The following TAFA4 variants were observed in gnomAD, a reference collection of about 807,000 sequenced individuals.
TAFA4 encodes TAFA chemokine like family member 4.
A neutral mutation model predicts 21.1 loss-of-function variants in TAFA4; 20 were observed. The ratio of observed to expected loss-of-function variants is 0.95; its 90% CI spans 0.67 to 1.38. The LOEUF (loss-of-function observed/expected upper bound fraction) is 1.38. TAFA4 is among the 40% of genes most tolerant of loss of function. The pLI is 0.00. For synonymous variants in TAFA4, 71 were observed against 67.4 expected (o/e 1.05, Z -0.26); for missense variants, 211 against 180.9 (o/e 1.17, Z -0.95).
chr3:68,915,908 A>AT (rs1486581499), intron 1 of TAFA4, among the ~76,000 whole-genome samples: 1 of 152,250 alleles, frequency 6.6e-6, no homozygotes, highest in Non-Finnish European at 1.5e-5. Flanking sequence ...TCTCCATTCA[A>AT]TAAATATGGA....
intron 3 of TAFA4, among the ~76,000 whole-genome samples, chr3:68,860,773 T>C (rs1205323391): frequency 6.6e-6 from 1 of 152,108 alleles, no homozygotes; most frequent in African/African-American, 2.4e-5. Flanking sequence ...TAAATGAAGA[T>C]TTTAAAATAC....
chr3:68,788,579 C>T (rs1394568976), intron 3 of TAFA4, among the ~76,000 whole-genome samples: 1 of 152,034 alleles, frequency 6.6e-6, no homozygotes, highest in East Asian at 1.9e-4. Context: ...CTATGTTTTC[C>T]TCTAGGAGTT....
chr3:68,766,283 T>C (rs1243602226), intron 3 of TAFA4, among the ~76,000 whole-genome samples: 1 of 152,006 alleles, frequency 6.6e-6, no homozygotes, highest in East Asian at 1.9e-4. Flanking sequence ...TAAACACACA[T>C]ATATAATCTC....
intron 3 of TAFA4, among the ~76,000 whole-genome samples, chr3:68,832,911 G>C (rs962757259): frequency 6.6e-6 from 1 of 152,186 alleles, no homozygotes; most frequent in Non-Finnish European, 1.5e-5. Context: ...CCTCAGCAAG[G>C]GTGGACGCCC....
At chr3:68,870,230 C>T (rs1030946496) in intron 3 of TAFA4, among the ~76,000 whole-genome samples, 1 of 152,052 alleles carries the variant, frequency 6.6e-6, no homozygotes, top group African/African-American at 2.4e-5. Context: ...CACGCCTATA[C>T]TCATGGGTTA....
chr3:68,803,797 C>CTTGTTTTTTTT (rs1703626483), intron 3 of TAFA4, among the ~76,000 whole-genome samples: 1 of 81,590 alleles, frequency 1.2e-5, no homozygotes, highest in Non-Finnish European at 2.1e-5. Flanking sequence ...ATCTCTGATT[C>CTTGTTTTTTTT]TTTTTTTTTT....
At chr3:68,862,203 A>G (rs149629047) in intron 3 of TAFA4, among the ~76,000 whole-genome samples, 1 of 152,140 alleles carries the variant, frequency 6.6e-6, no homozygotes, top group African/African-American at 2.4e-5. Flanking sequence ...CAGGTAGGCT[A>G]AGATTTCCTG....
chr3:68,733,051 A>G lies in TAFA4; in HGVS notation c.*91T>C. 4 of 1,565,450 alleles carry G rather than the reference A, an allele frequency of 2.6e-6. No homozygotes were observed. Among genetic ancestry groups the G allele is most frequent in the Non-Finnish European group, 3.5e-6 (4 of 1,145,148 alleles). On this transcript the variant is annotated 3_prime_UTR_variant, in exon 6 of 6. Transcript: ENST00000295569. Reference sequence around the variant, plus strand: ...ATATGAAGTTGCTGAAATCCTAGACAATTTTCTGCAAAGGGGCCATGATGG... The same window carrying G: ...ATATGAAGTTGCTGAAATCCTAGACGATTTTCTGCAAAGGGGCCATGATGG...
At chr3:68,855,533 G>A (rs1020160260) in intron 3 of TAFA4, among the ~76,000 whole-genome samples, 14 of 152,044 alleles carry the variant, frequency 9.2e-5, no homozygotes, top group Admixed American at 2.0e-4. Context: ...AAAAACAGCC[G>A]CTGCTGAAAA....
chr3:68,907,049 A>C (rs2089907709), intron 1 of TAFA4, among the ~76,000 whole-genome samples: 1 of 150,828 alleles, frequency 6.6e-6, no homozygotes, highest in Admixed American at 6.6e-5. Flanking sequence ...AAAAAAAAAA[A>C]AAAAAAAGCC....
chr3:68,835,126 T>C (rs1454336736), intron 3 of TAFA4, among the ~76,000 whole-genome samples: 1 of 152,150 alleles, frequency 6.6e-6, no homozygotes, highest in Admixed American at 6.6e-5. Flanking sequence ...GTCCACCACC[T>C]GGAACACCTG....
rs1703705245 is a variant in TAFA4 at position 68,806,617 on chromosome 3, A to T, written c.131-53599T>A. ...TAAATCTTTACATCCCCCACAATTC[A>T]TATGTTGAAACCCTAGCCCCTGCAA... On this transcript the variant is annotated intron_variant, in intron 3 of 5. Transcript: ENST00000295569. Among the ~76,000 whole-genome samples, 3 of 152,122 alleles carry T rather than the reference A, an allele frequency of 2.0e-5. No individual in the cohort carries two copies. In the South Asian group the frequency reaches 6.2e-4, roughly 32 times the overall value.
chr3:68,787,805 G>T (rs187308245), intron 3 of TAFA4, among the ~76,000 whole-genome samples: 1 of 152,214 alleles, frequency 6.6e-6, no homozygotes, highest in Admixed American at 6.5e-5. Flanking sequence ...AAGAATGATG[G>T]ATTGGAGCTG....
chr3:68,848,254 A>G (rs1475173630), intron 3 of TAFA4, among the ~76,000 whole-genome samples: 2 of 152,200 alleles, frequency 1.3e-5, no homozygotes, highest in African/African-American at 4.8e-5. Flanking sequence ...TAGAACACAC[A>G]CGAAATTAAC....
chr3:68,869,452 C>G (rs562201697), intron 3 of TAFA4, among the ~76,000 whole-genome samples: 5 of 151,976 alleles, frequency 3.3e-5, no homozygotes, highest in Middle Eastern at 6.8e-3. Flanking sequence ...CAGATGTAAA[C>G]GTCCTCAACA....
chr3:68,914,721 C>T (rs1331648851), intron 1 of TAFA4, among the ~76,000 whole-genome samples: 1 of 152,120 alleles, frequency 6.6e-6, no homozygotes, highest in Non-Finnish European at 1.5e-5. Flanking sequence ...TTGGACTTCA[C>T]TAGACTATGG....
chr3:68,752,472 C>T (rs1236944934), intron 4 of TAFA4, among the ~76,000 whole-genome samples: 3 of 152,108 alleles, frequency 2.0e-5, no homozygotes, highest in South Asian at 2.1e-4. Context: ...AAATAAAAGA[C>T]AGGATACTAA....
At chr3:68,871,197 C>T (rs532055236) in intron 3 of TAFA4, among the ~76,000 whole-genome samples, 1 of 152,172 alleles carries the variant, frequency 6.6e-6, no homozygotes, top group East Asian at 1.9e-4. Flanking sequence ...CCAGCAATCC[C>T]ATTACTGAGT....
intron 3 of TAFA4, among the ~76,000 whole-genome samples, chr3:68,757,182 T>G (rs754301329): frequency 6.6e-6 from 1 of 152,068 alleles, no homozygotes; most frequent in Non-Finnish European, 1.5e-5. Flanking sequence ...ACTTAAGATG[T>G]CAGCCTGTTC....
Sources: gnomAD v4.1 joint callset for allele counts (sites outside exome capture counted in the v4.1 genomes callset) on GRCh38, gnomAD v4.1.1 for gene constraint, MANE v1.5 for transcripts, NCBI Gene and HGNC (gene_info 2026-07-23, HGNC 2026-07-21) for gene names.